The following CCDC148 variants were observed in gnomAD, a reference collection of about 807,000 sequenced individuals.
The protein encoded by CCDC148 is coiled-coil domain-containing protein 148.
CCDC148 carries 89 observed loss-of-function variants against 85.7 expected under a neutral mutation model. The observed-to-expected ratio is 1.04, with a 90% CI of 0.87 to 1.24. The LOEUF is 1.24. Among genes scored for constraint, CCDC148 ranks in the 50% most tolerant of loss-of-function variants. CCDC148 has a pLI of 0.00. For synonymous variants in CCDC148, 230 were observed against 213.9 expected (o/e 1.08, Z -0.66); for missense variants, 692 against 671.7 (o/e 1.03, Z -0.33).
intron 9 of CCDC148, among the ~76,000 whole-genome samples, chr2:158,286,232 A>C (rs1432577365): frequency 3.3e-5 from 5 of 152,222 alleles, no homozygotes; most frequent in Non-Finnish European, 7.3e-5. Context: ...TGAATCTGGC[A>C]AAAGATTGTA....
intron 7 of CCDC148, among the ~76,000 whole-genome samples, chr2:158,314,247 G>A (rs1692178473): frequency 6.6e-6 from 1 of 152,024 alleles, no homozygotes; most frequent in African/African-American, 2.4e-5. Flanking sequence ...AGATTAAAAA[G>A]GAATTTTATT....
At chr2:158,423,583 T>G (rs549089555) in intron 1 of CCDC148, among the ~76,000 whole-genome samples, 15 of 152,186 alleles carry the variant, frequency 9.9e-5, no homozygotes, top group Admixed American at 5.2e-4. Context: ...GATTAAAGAC[T>G]TAAATGTTAG....
intron 9 of CCDC148, among the ~76,000 whole-genome samples, chr2:158,303,972 G>C (rs1691566389): frequency 6.6e-6 from 1 of 152,168 alleles, no homozygotes; most frequent in Non-Finnish European, 1.5e-5. Context: ...ATACGGTACA[G>C]CATGATGTGT....
intron 1 of CCDC148, among the ~76,000 whole-genome samples, chr2:158,455,802 A>G (rs1056249884): frequency 1.3e-5 from 2 of 152,244 alleles, no homozygotes; most frequent in Admixed American, 6.5e-5. Flanking sequence ...TTGACAAAAA[A>G]CAATTAGTAT....
At chr2:158,284,027 C>A (rs1384459994) in intron 9 of CCDC148, among the ~76,000 whole-genome samples, 1 of 147,196 alleles carries the variant, frequency 6.8e-6, no homozygotes, top group African/African-American at 2.5e-5. Flanking sequence ...ATCGTAAGAA[C>A]AAAAAACCAA....
intron 10 of CCDC148, among the ~76,000 whole-genome samples, chr2:158,226,139 C>A (rs1279890236): frequency 6.6e-6 from 1 of 152,200 alleles, no homozygotes; most frequent in Non-Finnish European, 1.5e-5. Flanking sequence ...ACCTATCCCA[C>A]AGAAATACAA....
chr2:158,279,673 G>C (rs544238171), intron 9 of CCDC148, among the ~76,000 whole-genome samples: 293 of 152,334 alleles, frequency 1.9e-3, no homozygotes, highest in African/African-American at 2.5e-3. Flanking sequence ...AAGTGACAGG[G>C]GGAATGGAAC....
At chr2:158,437,996 C>G (rs1012798964) in intron 1 of CCDC148, among the ~76,000 whole-genome samples, 8 of 152,178 alleles carry the variant, frequency 5.3e-5, no homozygotes, top group African/African-American at 9.6e-5. Context: ...AATGGAAGAA[C>G]ATTCCATGCC....
At chr2:158,356,571 T>A (rs1683649090) in intron 2 of CCDC148, among the ~76,000 whole-genome samples, 1 of 151,784 alleles carries the variant, frequency 6.6e-6, no homozygotes, top group Admixed American at 6.6e-5. Flanking sequence ...CATTAAAAAG[T>A]CAGGAAACAA....
intron 9 of CCDC148, among the ~76,000 whole-genome samples, chr2:158,279,588 A>G (rs1288908743): frequency 6.6e-6 from 1 of 152,182 alleles, no homozygotes; most frequent in Non-Finnish European, 1.5e-5. Flanking sequence ...AAAGAATAAA[A>G]AGAAATGAAC....
chr2:158,228,225 C>T (rs1265223404), intron 10 of CCDC148, among the ~76,000 whole-genome samples: 1 of 152,198 alleles, frequency 6.6e-6, no homozygotes, highest in Non-Finnish European at 1.5e-5. Flanking sequence ...CATCACTGGG[C>T]ATCAGAGAAA....
chr2:158,291,496 T>C (rs1559048111), intron 9 of CCDC148, among the ~76,000 whole-genome samples: 1 of 152,216 alleles, frequency 6.6e-6, no homozygotes, highest in South Asian at 2.1e-4. Context: ...GGCTCATCTC[T>C]TCCCAATGTC....
chr2:158,438,052 A>G (rs1451158233), intron 1 of CCDC148, among the ~76,000 whole-genome samples: 2 of 152,202 alleles, frequency 1.3e-5, no homozygotes, highest in South Asian at 4.1e-4. Flanking sequence ...ATATTGCCCA[A>G]GGTAATTTAT....
intron 1 of CCDC148, among the ~76,000 whole-genome samples, chr2:158,409,558 C>T (rs2105313282): frequency 6.6e-6 from 1 of 152,294 alleles, no homozygotes; most frequent in South Asian, 2.1e-4. Flanking sequence ...TGCTTGTACC[C>T]CCACTGTATC....
At chr2:158,409,028 C>T (rs560001775) in intron 1 of CCDC148, among the ~76,000 whole-genome samples, 1 of 151,936 alleles carries the variant, frequency 6.6e-6, no homozygotes, top group African/African-American at 2.4e-5. Flanking sequence ...ATTATTTGTG[C>T]TTTTGCTAGT....
At chr2:158,437,522 T>C (rs1362974454) in intron 1 of CCDC148, among the ~76,000 whole-genome samples, 3 of 152,174 alleles carry the variant, frequency 2.0e-5, no homozygotes, top group Non-Finnish European at 4.4e-5. Flanking sequence ...GCCAATATCA[T>C]ACTGAATGGG....
intron 9 of CCDC148, among the ~76,000 whole-genome samples, chr2:158,301,089 C>A (rs913463513): frequency 5.9e-5 from 9 of 152,250 alleles, no homozygotes; most frequent in African/African-American, 2.2e-4. Context: ...GAACTCCTGG[C>A]TTCAAGCAAT....
intron 3 of CCDC148, among the ~76,000 whole-genome samples, chr2:158,341,301 AC>A (rs1452650137): frequency 3.1e-5 from 4 of 127,198 alleles, no homozygotes; most frequent in African/African-American, 1.2e-4. Context: ...ACATATGTGT[AC>A]ATACATATTT....
intron 1 of CCDC148, among the ~76,000 whole-genome samples, chr2:158,401,819 G>A (rs1685798529): frequency 6.6e-6 from 1 of 151,938 alleles, no homozygotes; most frequent in Non-Finnish European, 1.5e-5. Context: ...GGGCAAAGGA[G>A]ATTACGGGGA....
Sources: allele counts gnomAD v4.1 joint callset (sites outside exome capture counted in the v4.1 genomes callset), GRCh38; gene constraint gnomAD v4.1.1; transcripts MANE v1.5; gene names NCBI Gene and HGNC (gene_info 2026-07-23, HGNC 2026-07-21).